The following PARD3B variants were observed in gnomAD, a reference collection of about 807,000 sequenced individuals.
The protein encoded by PARD3B is par-3 family cell polarity regulator beta.
PARD3B carries 103 observed loss-of-function variants against 130.2 expected under a neutral mutation model. The ratio of observed to expected loss-of-function variants is 0.79; its 90% CI spans 0.67 to 0.93. The LOEUF is 0.93. Among genes scored for constraint, PARD3B ranks in the 40% least tolerant of loss-of-function variants. The pLI, the probability that PARD3B is intolerant of heterozygous loss-of-function variation, is 0.00. For missense variants in PARD3B, 1,609 were observed against 1,499.2 expected (o/e 1.07, Z -1.21); for synonymous variants, 583 against 553.2 (o/e 1.05, Z -0.76).
chr2:204,710,834 A>G (rs1351506753), intron 2 of PARD3B, among the ~76,000 whole-genome samples: 4 of 152,166 alleles, frequency 2.6e-5, no homozygotes, highest in Non-Finnish European at 5.9e-5. Flanking sequence ...AATTGCTGTC[A>G]CTGACACAAG....
Position 204,858,793 on chromosome 2 carries a change from A to T in PARD3B, c.223-106359A>T, listed in dbSNP as rs533130446. ...ATATATACATATATAATATATAAAA[A>T]ATATAGTAAAATACATATATAATAT... On this transcript the variant is annotated intron_variant, in intron 2 of 22. Coordinates refer to ENST00000406610, the MANE Select transcript of PARD3B (RefSeq NM_001302769.2). 8.1e-5 allele frequency among the ~76,000 whole-genome samples: 12 copies of T among 148,342 alleles called. No individual in the cohort carries two copies. The South Asian group carries it at 2.1e-3, about 26-fold the overall frequency.
At chr2:204,858,040 A>C (rs887495710) in intron 2 of PARD3B, among the ~76,000 whole-genome samples, 2 of 152,184 alleles carry the variant, frequency 1.3e-5, no homozygotes, top group African/African-American at 2.4e-5. Flanking sequence ...CACAGTTCCA[A>C]ACTTTAAATT....
chr2:204,916,987 T>A (rs1188930164), intron 2 of PARD3B, among the ~76,000 whole-genome samples: 1 of 152,230 alleles, frequency 6.6e-6, no homozygotes, highest in Non-Finnish European at 1.5e-5. Context: ...TTTTAACATT[T>A]TAGTGAAGGC....
At chr2:204,654,937 T>G (rs1324688029) in intron 1 of PARD3B, among the ~76,000 whole-genome samples, 1 of 152,174 alleles carries the variant, frequency 6.6e-6, no homozygotes. Context: ...CAGGACTCTT[T>G]GAGACCTCCT....
chr2:204,854,858 C>A (rs2044857557), intron 2 of PARD3B, among the ~76,000 whole-genome samples: 1 of 151,964 alleles, frequency 6.6e-6, no homozygotes, highest in African/African-American at 2.4e-5. Flanking sequence ...TGGACACACA[C>A]AAGGAGTTTA....
intron 21 of PARD3B, among the ~76,000 whole-genome samples, chr2:205,524,562 G>T (rs1403548305): frequency 2.6e-5 from 4 of 152,164 alleles, no homozygotes; most frequent in East Asian, 1.9e-4. Flanking sequence ...GCCTGTGGCT[G>T]TGTCTGCCCT....
chr2:204,806,379 T>A (rs2042769504), intron 2 of PARD3B, among the ~76,000 whole-genome samples: 1 of 151,936 alleles, frequency 6.6e-6, no homozygotes, highest in Admixed American at 6.6e-5. Context: ...ACCAAGAACA[T>A]ACATTGGGGA....
At chr2:205,322,194 A>G (rs1020360724) in intron 18 of PARD3B, among the ~76,000 whole-genome samples, 2 of 152,252 alleles carry the variant, frequency 1.3e-5, no homozygotes, top group Non-Finnish European at 2.9e-5. Flanking sequence ...AAATGCACAA[A>G]GATAAATGTA....
At chr2:204,586,075 G>C (rs1317643384) in intron 1 of PARD3B, among the ~76,000 whole-genome samples, 1 of 152,240 alleles carries the variant, frequency 6.6e-6, no homozygotes, top group Non-Finnish European at 1.5e-5. Context: ...CCAGCCTGCT[G>C]TTATAACAGT....
chr2:205,255,131 C>T (rs2040023763), intron 16 of PARD3B, among the ~76,000 whole-genome samples: 2 of 151,882 alleles, frequency 1.3e-5, no homozygotes, highest in Admixed American at 1.3e-4. Context: ...CCTCGGAGCC[C>T]CAGCTGAACT....
intron 2 of PARD3B, among the ~76,000 whole-genome samples, chr2:204,752,271 C>T (rs1054606413): frequency 4.6e-5 from 7 of 152,000 alleles, no homozygotes; most frequent in African/African-American, 1.7e-4. Context: ...TTTATGATTC[C>T]ATTTTCTCAT....
intron 4 of PARD3B, among the ~76,000 whole-genome samples, chr2:205,056,749 A>G (rs1699660150): frequency 6.6e-6 from 1 of 152,012 alleles, no homozygotes; most frequent in African/African-American, 2.4e-5. Context: ...TGCAAAAATC[A>G]TAAAGGAATA....
chr2:204,855,345 C>A (rs1208750083), intron 2 of PARD3B, among the ~76,000 whole-genome samples: 1 of 151,942 alleles, frequency 6.6e-6, no homozygotes. Flanking sequence ...GAGATTGAGA[C>A]CATCCTGGCC....
intron 15 of PARD3B, among the ~76,000 whole-genome samples, chr2:205,197,952 G>C (rs904694130): frequency 2.0e-5 from 3 of 152,214 alleles, no homozygotes; most frequent in African/African-American, 7.2e-5. Context: ...CTTGTTGGCA[G>C]TATGCCAGGA....
At chr2:205,173,681 A>G (rs6435276) in intron 12 of PARD3B, among the ~76,000 whole-genome samples, 4,518 of 152,208 alleles carry the variant, frequency 0.03, 115 homozygotes, top group African/African-American at 0.066. Context: ...AAATTGGCCA[A>G]TTACTGGAGA....
In PARD3B at chr2:205,015,178, A is replaced by T. The variant is rs1336241975; in HGVS notation, c.395-32403A>T. Among the ~76,000 whole-genome samples, 1 of 152,216 alleles carries T rather than the reference A, an allele frequency of 6.6e-6. No homozygotes were observed. Among genetic ancestry groups the T allele is most frequent in the Non-Finnish European group, 1.5e-5 (1 of 68,046 alleles). ...TATTATGTATACAATATGTATTTTT[A>T]TGTATTCTTACAATAAAGTAAGCTA... is the stretch of plus-strand genomic sequence containing the variant. On this transcript the variant is annotated intron_variant, in intron 3 of 22. Transcript: ENST00000406610. This position sits in a 1 kb window ranked among gnomAD's most constrained non-coding sequence, Gnocchi z 4.5.
chr2:205,068,522 T>G (rs1700528875), intron 4 of PARD3B, among the ~76,000 whole-genome samples: 1 of 152,114 alleles, frequency 6.6e-6, no homozygotes, highest in African/African-American at 2.4e-5. Context: ...TATTAACTTT[T>G]GCTTTTATTT....
At chr2:205,382,322 A>T (rs774095351) in intron 18 of PARD3B, among the ~76,000 whole-genome samples, 1 of 152,002 alleles carries the variant, frequency 6.6e-6, no homozygotes, top group African/African-American at 2.4e-5. Context: ...TTTTCTTACC[A>T]TGATTAGATT....
intron 18 of PARD3B, among the ~76,000 whole-genome samples, chr2:205,303,740 C>T (rs938395222): frequency 1.2e-4 from 19 of 152,154 alleles, no homozygotes; most frequent in South Asian, 4.1e-4. Context: ...AGGGAGGAGG[C>T]AGTCAATTTT....
Sources: allele counts gnomAD v4.1 joint callset (sites outside exome capture counted in the v4.1 genomes callset), GRCh38; gene constraint gnomAD v4.1.1; non-coding constraint Gnocchi (gnomAD v3.1); transcripts MANE v1.5; gene names NCBI Gene and HGNC (gene_info 2026-07-23, HGNC 2026-07-21).